Variants in MYH10 observed in about 807,000 individuals in gnomAD.
MYH10 encodes myosin heavy chain 10.
Under a neutral mutation model 257.8 loss-of-function variants are expected in MYH10, and 55 were observed. The ratio of observed to expected loss-of-function variants is 0.21; its 90% CI spans 0.17 to 0.27. MYH10 has a LOEUF of 0.27. Among genes scored for constraint, MYH10 ranks in the 10% least tolerant of loss-of-function variants. The pLI is 1.00. For synonymous variants in MYH10, 854 were observed against 921.7 expected (o/e 0.93, Z 1.33); for missense variants, 1,631 against 2,500.6 (o/e 0.65, Z 7.42).
chr17:8,587,182 C>T (rs1276408629), intron 4 of MYH10, among the ~76,000 whole-genome samples: 6 of 152,102 alleles, frequency 3.9e-5, no homozygotes, highest in Admixed American at 2.6e-4. Context: ...CACAGTTGTC[C>T]GTAGACGCAG....
In MYH10 at chr17:8,504,694, C is replaced by G; in HGVS notation, c.3599G>C (p.Arg1200Pro). Reference sequence around the variant, plus strand: ...GCCCTGCTTCCTCTCCCACACTCACCGTAGTTCCTGCTGGGCTGCCGTGGT... The same window carrying G: ...GCCCTGCTTCCTCTCCCACACTCACGGTAGTTCCTGCTGGGCTGCCGTGGT... ...LDTTAAQQEL[R>P]TKREQEVAEL... is the part of the protein sequence containing the mutation. The change falls in exon 28 of 43, where the codon CGT becomes CCT. Residue 1200 changes from arginine (R) to proline (P), a missense_variant and splice_region_variant. Arg to Pro is a moderately radical substitution (Grantham distance 103, BLOSUM62 -2). Coordinates refer to ENST00000360416, the MANE Select transcript of MYH10 (RefSeq NM_001256012.3). The surrounding 1 kb of genome is among the most constrained non-coding windows in gnomAD (Gnocchi z 5.6). 6.2e-7 allele frequency: 1 copy of G among 1,613,708 alleles called. No homozygotes were observed. Among genetic ancestry groups the G allele is most frequent in the Non-Finnish European group, 8.5e-7 (1 of 1,179,952 alleles).
At chr17:8,489,706 AAAACACAC>A (rs1474293287) in intron 35 of MYH10, among the ~76,000 whole-genome samples, 64 of 112,918 alleles carry the variant, frequency 5.7e-4, no homozygotes, top group South Asian at 8.1e-4. Flanking sequence ...TCCGTCTGAA[AAAACACAC>A]ACACACACAC....
At chr17:8,480,682 C>T (rs2151774114) in intron 38 of MYH10, 157 bp from the exon 39 acceptor site, 2 of 931,888 alleles carry the variant, frequency 2.1e-6, no homozygotes, top group South Asian at 2.9e-5. Flanking sequence ...ATCAGTAGGT[C>T]CCACTGATGA....
At chr17:8,496,864 A>G (rs1271694131) in intron 30 of MYH10, among the ~76,000 whole-genome samples, 2 of 152,184 alleles carry the variant, frequency 1.3e-5, no homozygotes, top group African/African-American at 4.8e-5. Context: ...CATGTAAACA[A>G]TATGGTCTAT....
Position 8,521,146 on chromosome 17 carries a change from G to A in MYH10, c.2097C>T (p.Leu699=). 1 of 1,614,226 alleles carries A rather than the reference G, an allele frequency of 6.2e-7. No individual in the cohort carries two copies. The highest frequency in any genetic ancestry group is 8.5e-7 in the Non-Finnish European group (1 of 1,180,044). The change falls in exon 18 of 43, where the codon CTC becomes CTT. Residue 699 remains leucine, a synonymous_variant. Transcript: ENST00000360416. ...KESLTKLMAT[L]RNTNPNFVRC... The stretch of plus-strand genomic sequence containing the variant: ...GAACAAAGTTAGGGTTGGTGTTTCG[G>A]AGAGTTGCCATCAGCTTGGTGAGAG...
intron 6 of MYH10, among the ~76,000 whole-genome samples, chr17:8,572,598 G>T (rs959010925): frequency 6.6e-6 from 1 of 152,130 alleles, no homozygotes; most frequent in Non-Finnish European, 1.5e-5. Flanking sequence ...GAAGCCAAAA[G>T]GTTGGAACCC....
chr17:8,611,831 A>G (rs1019072257), intron 2 of MYH10, among the ~76,000 whole-genome samples: 8 of 152,208 alleles, frequency 5.3e-5, no homozygotes, highest in African/African-American at 1.9e-4. Context: ...AATGAGGCAG[A>G]AGCAGTATCT....
At chr17:8,578,794 T>C (rs577213655) in intron 4 of MYH10, among the ~76,000 whole-genome samples, 1 of 152,244 alleles carries the variant, frequency 6.6e-6, no homozygotes, top group South Asian at 2.1e-4. Context: ...AACCTAACTT[T>C]ACAGTCAACA....
chr17:8,625,206 G>A (rs369575576), intron 1 of MYH10, among the ~76,000 whole-genome samples: 13 of 152,276 alleles, frequency 8.5e-5, no homozygotes, highest in African/African-American at 2.4e-4. Context: ...AGCTGAGATC[G>A]TGCCACTGCA....
chr17:8,486,529 T>G (rs909068273), intron 36 of MYH10, among the ~76,000 whole-genome samples: 3 of 106,996 alleles, frequency 2.8e-5, no homozygotes, highest in Non-Finnish European at 5.7e-5. Context: ...AAAAAAAATC[T>G]TTATATTTAG....
intron 6 of MYH10, among the ~76,000 whole-genome samples, chr17:8,574,202 A>C (rs1163478493): frequency 6.6e-6 from 1 of 152,240 alleles, no homozygotes; most frequent in Non-Finnish European, 1.5e-5. Flanking sequence ...ATTTGGCCAT[A>C]AAAAGGAATG....
At chr17:8,541,465 T>C (rs1029069610) in intron 14 of MYH10, among the ~76,000 whole-genome samples, 9 of 152,096 alleles carry the variant, frequency 5.9e-5, no homozygotes, top group African/African-American at 1.9e-4. Flanking sequence ...CAGAACCAGA[T>C]TGTCAACACT....
intron 7 of MYH10, among the ~76,000 whole-genome samples, chr17:8,554,778 C>T (rs542407941): frequency 6.6e-6 from 1 of 152,196 alleles, no homozygotes; most frequent in South Asian, 2.1e-4. Context: ...GGTGAAACCC[C>T]GTCTCTACTA....
At chr17:8,476,676 G>A (rs1168885655) in intron 42 of MYH10, among the ~76,000 whole-genome samples, 200 bp downstream of exon 42, 1 of 152,198 alleles carries the variant, frequency 6.6e-6, no homozygotes, top group Non-Finnish European at 1.5e-5. Context: ...TCTAGTGACT[G>A]GCAATGAATA....
chr17:8,508,393 G>A (rs545666430), intron 26 of MYH10, among the ~76,000 whole-genome samples, 161 bp downstream of exon 26: 3 of 152,236 alleles, frequency 2.0e-5, no homozygotes, highest in African/African-American at 2.4e-5. Flanking sequence ...CTGAGACACC[G>A]TGCCCAGCCA....
Position 8,569,871 on chromosome 17 carries a change from C to T in MYH10, c.664-59G>A. ...GATGTACGTTAATCTAATGTCTTTA[C>T]TCAAGTCATCAGGGGAAAAATTTCT... is the stretch of plus-strand genomic sequence containing the variant. On this transcript the variant is annotated intron_variant, in intron 6 of 42. Transcript: ENST00000360416. The surrounding 1 kb of genome is among the most constrained non-coding windows in gnomAD (Gnocchi z 4.1). The T allele has an allele frequency of 7.9e-7, 1 of 1,273,278 alleles. No individual in the cohort carries two copies. Among genetic ancestry groups the T allele is most frequent in the Non-Finnish European group, 1.1e-6 (1 of 913,872 alleles). 78.9% of individuals were successfully genotyped at this position (1,273,278 alleles called of 1,614,324 possible). A position where few individuals can be genotyped will look rare whatever the true frequency, so the allele number is the denominator to read the frequency against.
At chr17:8,610,032 AGT>A (rs1011039870) in intron 2 of MYH10, among the ~76,000 whole-genome samples, 3 of 152,032 alleles carry the variant, frequency 2.0e-5, no homozygotes, top group African/African-American at 7.2e-5. Context: ...CCAGTGCCAC[AGT>A]GGATCTGCAC....
In MYH10 at chr17:8,520,958, GCGAAGCT is replaced by G. The variant is rs2081635728; in HGVS notation, c.2186_2192del (p.Gln729ProfsTer20). ...GGATCCCTTCCAGGACACCGTTACA[GCGAAGCT>G]GATCTAGGACTAGGTGTGGATCCAA... On this transcript the variant is annotated frameshift_variant, in exon 19 of 43. Transcript: ENST00000360416. LOFTEE classifies it high-confidence loss of function. 1 of 1,613,604 alleles carries G rather than the reference GCGAAGCT, an allele frequency of 6.2e-7. No homozygotes were observed.
intron 34 of MYH10, among the ~76,000 whole-genome samples, chr17:8,491,746 G>C (rs1915809162): frequency 1.3e-5 from 2 of 152,200 alleles, no homozygotes. Flanking sequence ...CACTAAGGGA[G>C]AGACGTAGGG....
Sources: gnomAD v4.1 joint callset for allele counts (sites outside exome capture counted in the v4.1 genomes callset) on GRCh38, gnomAD v4.1.1 for gene constraint, Gnocchi (gnomAD v3.1) non-coding constraint, MANE v1.5 for transcripts, NCBI Gene and HGNC (gene_info 2026-07-23, HGNC 2026-07-21) for gene names.